SAMD12: variants seen among roughly 807,000 people sequenced by gnomAD.
SAMD12 encodes sterile alpha motif domain containing 12.
A neutral mutation model predicts 15.0 loss-of-function variants in SAMD12; 9 were observed. The observed-to-expected ratio is 0.60, with a 90% CI of 0.36 to 1.05. The LOEUF (loss-of-function observed/expected upper bound fraction) is 1.05. Ranked by LOEUF, SAMD12 falls within the 50% of genes least tolerant of loss-of-function variation. SAMD12 has a pLI of 0.01. For missense variants in SAMD12, 230 were observed against 234.2 expected (o/e 0.98, Z 0.12); for synonymous variants, 86 against 90.1 (o/e 0.96, Z 0.25).
intron 2 of SAMD12, among the ~76,000 whole-genome samples, chr8:118,473,777 T>G (rs1823877836): frequency 6.6e-6 from 1 of 152,182 alleles, no homozygotes; most frequent in Admixed American, 6.5e-5. Context: ...AAGCTGCTTA[T>G]TCTATGAGGT....
intron 2 of SAMD12, among the ~76,000 whole-genome samples, chr8:118,536,893 C>T (rs755111053): frequency 6.6e-6 from 1 of 152,166 alleles, no homozygotes; most frequent in Non-Finnish European, 1.5e-5. Flanking sequence ...TTTCTTATTG[C>T]TCATTAATGT....
chr8:118,399,892 A>G (rs1336764909), intron 3 of SAMD12, among the ~76,000 whole-genome samples: 1 of 152,170 alleles, frequency 6.6e-6, no homozygotes, highest in East Asian at 1.9e-4. Flanking sequence ...GCAGGCTTCT[A>G]GGTTACCTGT....
chr8:118,552,408 C>G (rs1196264232), intron 2 of SAMD12, among the ~76,000 whole-genome samples: 1 of 152,102 alleles, frequency 6.6e-6, no homozygotes, highest in Admixed American at 6.5e-5. Flanking sequence ...AGCATATAAA[C>G]AGAACCAAAG....
At chr8:118,304,684 C>T (rs1249560457) in intron 4 of SAMD12, among the ~76,000 whole-genome samples, 3 of 151,192 alleles carry the variant, frequency 2.0e-5, no homozygotes, top group African/African-American at 4.9e-5. Flanking sequence ...GGCGTGAACC[C>T]GGGAGGTGGA....
chr8:118,597,787 A>G (rs1305663110), intron 1 of SAMD12, among the ~76,000 whole-genome samples: 1 of 152,172 alleles, frequency 6.6e-6, no homozygotes. Context: ...CCGGGCAAAG[A>G]GCACTACATC....
the SAMD12 span, among the ~76,000 whole-genome samples, chr8:118,143,996 T>C: frequency 3.3e-5 from 5 of 152,152 alleles, no homozygotes; most frequent in Non-Finnish European, 1.5e-5. Context: ...CGGGGCTGTG[T>C]TCCCTCCTAA....
intron 4 of SAMD12, among the ~76,000 whole-genome samples, chr8:118,219,185 G>A (rs191489418): frequency 1.9e-3 from 295 of 152,198 alleles, no homozygotes; most frequent in Admixed American, 2.6e-3. Flanking sequence ...CGTCTATGAC[G>A]TGCATTTTGC....
chr8:118,265,971 C>T (rs948272852), intron 4 of SAMD12, among the ~76,000 whole-genome samples: 3 of 151,892 alleles, frequency 2.0e-5, no homozygotes, highest in African/African-American at 4.8e-5. Context: ...TAAAGACATA[C>T]CTGAGACTGG....
chr8:118,372,951 C>CA (rs1207404921), intron 4 of SAMD12, among the ~76,000 whole-genome samples: 1 of 151,952 alleles, frequency 6.6e-6, no homozygotes, highest in East Asian at 1.9e-4. Flanking sequence ...GTGGAGAAGG[C>CA]AAAACTGTAG....
At chr8:118,304,747 G>A (rs367770584) in intron 4 of SAMD12, among the ~76,000 whole-genome samples, 9 of 140,444 alleles carry the variant, frequency 6.4e-5, no homozygotes, top group South Asian at 2.3e-4. Context: ...GCAACAGAAC[G>A]AGACTCCATC....
chr8:118,325,749 A>G lies in SAMD12; in HGVS notation c.433+53811T>C, dbSNP rs115190957. 5.7e-3 allele frequency among the ~76,000 whole-genome samples: 871 copies of G among 152,236 alleles called. 6 individuals carry two copies. Among genetic ancestry groups the G allele is most frequent in the African/African-American group, 0.02 (832 of 41,542 alleles). On this transcript the variant is annotated intron_variant, in intron 4 of 4. Coordinates refer to the SAMD12 transcript ENST00000409003. ...CCCAACCCCAGGCCCCTGGCAACCT[A>G]ATTGTTTCTTTATCCTTGATTGTAG...
At chr8:118,343,687 A>G (rs1817488589) in intron 4 of SAMD12, among the ~76,000 whole-genome samples, 1 of 152,164 alleles carries the variant, frequency 6.6e-6, no homozygotes, top group Admixed American at 6.5e-5. Flanking sequence ...TTAGAACAAT[A>G]GAGTTGCAAG....
the SAMD12 span, among the ~76,000 whole-genome samples, chr8:118,180,320 A>G: frequency 6.6e-6 from 1 of 152,190 alleles, no homozygotes; most frequent in African/African-American, 2.4e-5. Context: ...GGTTTGACAA[A>G]CGATAGATGA....
chr8:118,323,201 A>G (rs1223267202), intron 4 of SAMD12, among the ~76,000 whole-genome samples: 1 of 152,218 alleles, frequency 6.6e-6, no homozygotes, highest in Non-Finnish European at 1.5e-5. Flanking sequence ...AATGAGAAAG[A>G]ACTAAGCCAT....
intron 2 of SAMD12, among the ~76,000 whole-genome samples, chr8:118,507,605 A>G (rs1824956276): frequency 6.6e-6 from 1 of 152,354 alleles, no homozygotes; most frequent in South Asian, 2.1e-4. Flanking sequence ...ATTAAAGTTA[A>G]TTGTATATTA....
intron 2 of SAMD12, among the ~76,000 whole-genome samples, chr8:118,556,316 C>CA (rs1826528003): frequency 6.6e-6 from 1 of 152,188 alleles, no homozygotes; most frequent in South Asian, 2.1e-4. Context: ...CACCCCTATA[C>CA]TCTCAGCATG....
chr8:118,330,143 A>C (rs979722453), intron 4 of SAMD12, among the ~76,000 whole-genome samples: 1 of 152,216 alleles, frequency 6.6e-6, no homozygotes, highest in Admixed American at 6.5e-5. Flanking sequence ...ACAGGATATC[A>C]TCCCAACTCA....
Position 118,619,263 on chromosome 8 carries a change from G to A in SAMD12, c.13+2541C>T, listed in dbSNP as rs1412010027. Among the ~76,000 whole-genome samples the A allele has an allele frequency of 2.6e-5, 4 of 152,044 alleles. No individual in the cohort carries two copies. In the East Asian group the frequency reaches 7.7e-4, roughly 29 times the overall value. On this transcript the variant is annotated intron_variant, in intron 1 of 3. Coordinates refer to ENST00000314727, the MANE Select transcript of SAMD12 (RefSeq NM_207506.3). ...CACTTCGAGGTGGGCAGATCACGAG[G>A]TCAGGAGATCGAGACCATCCTGGCT...
chr8:118,136,530 G>C, the SAMD12 span, among the ~76,000 whole-genome samples: 4 of 152,158 alleles, frequency 2.6e-5, no homozygotes, highest in Non-Finnish European at 2.9e-5. Flanking sequence ...CATCCAATAG[G>C]CTATAGTTTT....
Sources: allele counts gnomAD v4.1 joint callset (sites outside exome capture counted in the v4.1 genomes callset), GRCh38; gene constraint gnomAD v4.1.1; transcripts MANE v1.5; gene names NCBI Gene and HGNC (gene_info 2026-07-23, HGNC 2026-07-21).